The following RARB variants were observed in gnomAD, a reference collection of about 807,000 sequenced individuals.
RARB encodes retinoic acid receptor beta.
In RARB, 17 loss-of-function variants were observed where a neutral mutation model predicts 51.9. The ratio of observed to expected loss-of-function variants is 0.33; its 90% CI spans 0.22 to 0.49. The LOEUF (loss-of-function observed/expected upper bound fraction) is 0.49, where lower values mean the gene tolerates loss of function less well. RARB is among the 20% of genes least tolerant of loss of function. The pLI, the probability that RARB is intolerant of heterozygous loss-of-function variation, is 0.99. For synonymous variants in RARB, 215 were observed against 195.4 expected (o/e 1.10, Z -0.84); for missense variants, 369 against 550.8 (o/e 0.67, Z 3.30).
chr3:25,036,752 G>T (rs906887922), intron 2 of RARB, among the ~76,000 whole-genome samples: 2 of 152,068 alleles, frequency 1.3e-5, no homozygotes, highest in Non-Finnish European at 2.9e-5. Context: ...ATGTCGAAAA[G>T]GCATCACTAC....
intron 2 of RARB, among the ~76,000 whole-genome samples, chr3:24,938,317 T>C (rs1221682113): frequency 6.6e-6 from 1 of 152,198 alleles, no homozygotes; most frequent in Non-Finnish European, 1.5e-5. Context: ...AGTCTTTCGT[T>C]GTACTGTAGT....
chr3:25,234,351 C>T (rs1354477089), intron 5 of RARB, among the ~76,000 whole-genome samples: 1 of 152,066 alleles, frequency 6.6e-6, no homozygotes, highest in Non-Finnish European at 1.5e-5. Flanking sequence ...TCTGTAGAGT[C>T]TGTAGTGATA....
intron 3 of RARB, among the ~76,000 whole-genome samples, chr3:25,550,230 G>C (rs944731016): frequency 1.3e-5 from 2 of 152,144 alleles, no homozygotes; most frequent in Non-Finnish European, 1.5e-5. Context: ...ATTAGTTCTT[G>C]AGACATTATG....
At chr3:24,985,356 T>TG (rs1260991602) in intron 2 of RARB, among the ~76,000 whole-genome samples, 10 of 151,792 alleles carry the variant, frequency 6.6e-5, no homozygotes, top group Admixed American at 5.9e-4. Context: ...TTTGTTTTTT[T>TG]TTTTTTTTGA....
At chr3:25,106,900 AT>A (rs35311413) in intron 3 of RARB, among the ~76,000 whole-genome samples, 1 of 150,130 alleles carries the variant, frequency 6.7e-6, no homozygotes, top group South Asian at 2.1e-4. Context: ...TTCCTTCTGC[AT>A]TTTTTTTTGT....
At chr3:25,066,743 A>T (rs1366519498) in intron 3 of RARB, among the ~76,000 whole-genome samples, 1 of 151,212 alleles carries the variant, frequency 6.6e-6, no homozygotes, top group Non-Finnish European at 1.5e-5. Context: ...TTCCAAAAAT[A>T]CCAAAAAAAA....
At chr3:24,968,707 A>G (rs1303994637) in intron 2 of RARB, among the ~76,000 whole-genome samples, 1 of 152,138 alleles carries the variant, frequency 6.6e-6, no homozygotes, top group Non-Finnish European at 1.5e-5. Flanking sequence ...TTCTAAAGAC[A>G]GGAAGACAGG....
At chr3:25,019,909 C>G (rs911397755) in intron 2 of RARB, among the ~76,000 whole-genome samples, 2 of 151,962 alleles carry the variant, frequency 1.3e-5, no homozygotes, top group Non-Finnish European at 2.9e-5. Flanking sequence ...TAAAGAGACT[C>G]TCAACTCTCA....
intron 3 of RARB, among the ~76,000 whole-genome samples, chr3:25,131,476 T>C (rs943363729): frequency 6.6e-6 from 1 of 152,072 alleles, no homozygotes; most frequent in Non-Finnish European, 1.5e-5. Flanking sequence ...ATGCCTTTTC[T>C]GTACATTTTT....
At chr3:25,185,984 G>C (rs1700966505) in intron 5 of RARB, among the ~76,000 whole-genome samples, 1 of 152,064 alleles carries the variant, frequency 6.6e-6, no homozygotes, top group Non-Finnish European at 1.5e-5. Flanking sequence ...TGTATGTCCA[G>C]TATTGGGTGA....
At chr3:24,865,119 A>G (rs1702822594) in intron 2 of RARB, among the ~76,000 whole-genome samples, 1 of 152,156 alleles carries the variant, frequency 6.6e-6, no homozygotes, top group African/African-American at 2.4e-5. Flanking sequence ...ACCTACAGAT[A>G]ATATTCATCA....
At chr3:25,183,148 C>T (rs1481725583) in intron 5 of RARB, among the ~76,000 whole-genome samples, 1 of 152,134 alleles carries the variant, frequency 6.6e-6, no homozygotes, top group Non-Finnish European at 1.5e-5. Flanking sequence ...GTTTTCGAAA[C>T]TTTCTCCCTC....
At chr3:25,378,085 G>A (rs1000852520) in intron 5 of RARB, among the ~76,000 whole-genome samples, 13 of 152,160 alleles carry the variant, frequency 8.5e-5, no homozygotes, top group African/African-American at 3.1e-4. Context: ...TTCATCTGTA[G>A]GAGAGAGACA....
At chr3:24,970,148 G>A (rs529935288) in intron 2 of RARB, among the ~76,000 whole-genome samples, 47 of 152,186 alleles carry the variant, frequency 3.1e-4, no homozygotes, top group African/African-American at 1.1e-3. Context: ...CTGTAGCTGT[G>A]TTTCAATTAA....
intron 5 of RARB, among the ~76,000 whole-genome samples, chr3:25,221,297 T>C (rs1575230823): frequency 6.7e-6 from 1 of 149,654 alleles, no homozygotes; most frequent in Non-Finnish European, 1.5e-5. Flanking sequence ...TTGAGACAAC[T>C]CTCTGTCCTT....
At chr3:25,252,013 G>C (rs1702734616) in intron 5 of RARB, among the ~76,000 whole-genome samples, 1 of 151,854 alleles carries the variant, frequency 6.6e-6, no homozygotes, top group Non-Finnish European at 1.5e-5. Flanking sequence ...AGTCTGAATA[G>C]GTTTTGAGTT....
chr3:25,206,272 G>A (rs1701543550), intron 5 of RARB, among the ~76,000 whole-genome samples: 1 of 152,150 alleles, frequency 6.6e-6, no homozygotes, highest in Non-Finnish European at 1.5e-5. Flanking sequence ...ACTAGCTAGT[G>A]TTCTTACATA....
chr3:25,132,816 A>C (rs951639130), intron 4 of RARB, among the ~76,000 whole-genome samples: 2 of 151,948 alleles, frequency 1.3e-5, no homozygotes, highest in African/African-American at 4.8e-5. Context: ...ATATGTATCA[A>C]AACATCATAT....
chr3:25,053,381 C>G (rs143379464), intron 2 of RARB, among the ~76,000 whole-genome samples: 7 of 152,116 alleles, frequency 4.6e-5, no homozygotes, highest in Non-Finnish European at 5.9e-5. Flanking sequence ...AATTGGGTTC[C>G]GTTTATATCT....
Sources: allele counts gnomAD v4.1 joint callset (sites outside exome capture counted in the v4.1 genomes callset), GRCh38; gene constraint gnomAD v4.1.1; transcripts MANE v1.5; gene names NCBI Gene and HGNC (gene_info 2026-07-23, HGNC 2026-07-21).